BHLHE40: variants seen among roughly 807,000 people sequenced by gnomAD.
BHLHE40 encodes class E basic helix-loop-helix protein 40.
In BHLHE40, 3 loss-of-function variants were observed where a neutral mutation model predicts 35.7. The observed-to-expected ratio is 0.08, with a 90% confidence interval of 0.04 to 0.22. The LOEUF is 0.22. Among genes scored for constraint, BHLHE40 ranks in the 10% least tolerant of loss-of-function variants. The pLI, the probability that BHLHE40 is intolerant of heterozygous loss-of-function variation, is 1.00. For synonymous variants in BHLHE40, 236 were observed against 213.0 expected (o/e 1.11, Z -0.94); for missense variants, 486 against 524.0 (o/e 0.93, Z 0.71).
rs988161362 is a variant in BHLHE40 at position 4,984,438 on chromosome 3, TG to T, written c.*749del. On this transcript the variant is annotated 3_prime_UTR_variant, in exon 5 of 5. Coordinates refer to ENST00000256495, the MANE Select transcript of BHLHE40 (RefSeq NM_003670.3). ...GCCCCGGAGGGAGGGAGGAGTTCCC[TG>T]GGCTTCTGGCACCTGTTTCTAGGCC... The T allele has an allele frequency of 5.2e-5, 8 of 152,442 alleles. No individual in the cohort carries two copies. The highest frequency in any genetic ancestry group is 8.8e-5 in the Non-Finnish European group (6 of 68,172). 9.4% of individuals were successfully genotyped at this position (152,442 alleles called of 1,614,324 possible). A position where few individuals can be genotyped will look rare whatever the true frequency, so the allele number is the denominator to read the frequency against.
chr3:4,980,708 G>A (rs1158656580), intron 3 of BHLHE40, among the ~76,000 whole-genome samples: 2 of 152,038 alleles, frequency 1.3e-5, no homozygotes, highest in African/African-American at 4.8e-5. Context: ...AAAGGAACAC[G>A]CCAAGAAACA....
intron 3 of BHLHE40, among the ~76,000 whole-genome samples, 174 bp downstream of exon 3, chr3:4,980,582 T>C (rs1024291855): frequency 6.6e-5 from 10 of 152,290 alleles, no homozygotes; most frequent in African/African-American, 2.2e-4. Flanking sequence ...GGCTGACTCA[T>C]GCAAATGAGG....
intron 4 of BHLHE40, among the ~76,000 whole-genome samples, chr3:4,982,227 C>T (rs2053204238): frequency 6.6e-6 from 1 of 152,198 alleles, no homozygotes; most frequent in African/African-American, 2.4e-5. Context: ...GTGCTTCTGC[C>T]TGTTTCCTCA....
intron 2 of BHLHE40, 132 bp from the exon 3 acceptor site, chr3:4,980,169 G>A: frequency 8.8e-7 from 1 of 1,133,388 alleles, no homozygotes; most frequent in South Asian, 1.3e-5. Flanking sequence ...ACTTGGAAAA[G>A]AAAGGGCAGA....
Position 4,985,033 on chromosome 3 carries a change from ATTTTT to A in BHLHE40, c.*1347_*1351del, listed in dbSNP as rs898868614. 3 of 150,914 alleles carry A rather than the reference ATTTTT, an allele frequency of 2.0e-5. No homozygotes were observed. Among genetic ancestry groups the A allele is most frequent in the Non-Finnish European group, 4.4e-5 (3 of 67,528 alleles). 9.3% of individuals were successfully genotyped at this position (150,914 alleles called of 1,614,324 possible). On this transcript the variant is annotated 3_prime_UTR_variant, in exon 5 of 5. Transcript: ENST00000256495. ...ATTCCTGTTTTTGAAGAGAAGAATA[ATTTTT>A]TTTTTCTCTAGGGAGAGGTACAGTG...
At position 4,983,920 on chromosome 3, in the gene BHLHE40, T is replaced by G. The variant is rs576163457; in HGVS notation, c.*228T>G. 13 of 566,376 alleles carry G rather than the reference T, an allele frequency of 2.3e-5. No homozygotes were observed. The East Asian group carries it at 3.5e-4, about 15-fold the overall frequency. 35.1% of individuals were successfully genotyped at this position (566,376 alleles called of 1,614,324 possible). A position where few individuals can be genotyped will look rare whatever the true frequency, so the allele number is the denominator to read the frequency against. On this transcript the variant is annotated 3_prime_UTR_variant, in exon 5 of 5. Transcript: ENST00000256495. This position sits in a 1 kb window ranked among gnomAD's most constrained non-coding sequence, Gnocchi z 5.0. ...TAGGACTTTAAAGCTCCTTTTGGCA[T>G]AGGGAAGTCACGAAGGATTGCTTGA...
In BHLHE40 at chr3:4,979,729, TC is replaced by T; in HGVS notation, c.15del (p.Ser6AlafsTer38). MER[I>X]PSAQPPPACL... Reference sequence around the variant, plus strand: ...CCGGCTCGCCGCGCCATGGAGCGGATCCCCAGCGCGCAACCACCCCCCGCCT... The same window carrying T: ...CCGGCTCGCCGCGCCATGGAGCGGATCCCAGCGCGCAACCACCCCCCGCCT... On this transcript the variant is annotated frameshift_variant, in exon 1 of 5. Transcript: ENST00000256495. LOFTEE classifies it high-confidence loss of function. 6.4e-7 allele frequency: 1 copy of T among 1,564,118 alleles called. No homozygotes were observed. Among genetic ancestry groups the T allele is most frequent in the Non-Finnish European group, 8.7e-7 (1 of 1,154,670 alleles).
chr3:4,980,104 C>T (rs2053178232), intron 2 of BHLHE40, 73 bp downstream of exon 2: 2 of 1,533,554 alleles, frequency 1.3e-6, no homozygotes, highest in Non-Finnish European at 1.8e-6. Context: ...AAAGTTTTCT[C>T]GCTTTGAGGT....
At chr3:4,982,419 C>A (rs1205621816) in intron 4 of BHLHE40, among the ~76,000 whole-genome samples, 1 of 152,184 alleles carries the variant, frequency 6.6e-6, no homozygotes, top group South Asian at 2.1e-4. Flanking sequence ...TATAACTATC[C>A]AGCCTCTGCC....
At position 4,983,464 on chromosome 3, in the gene BHLHE40, C is replaced by G; in HGVS notation, c.1011C>G (p.Pro337=). ...CACCTTCAGCGACTGCCTACCTGCCCATGCTGGAGAAGTGCTGGTATCCCA... is the reference window on the plus strand; with the variant it reads ...CACCTTCAGCGACTGCCTACCTGCCGATGCTGGAGAAGTGCTGGTATCCCA... ...LIPPSATAYL[P]MLEKCWYPTS... is the part of the protein sequence containing the mutation. The change falls in exon 5 of 5, where the codon CCC becomes CCG. Residue 337 remains proline (P), a synonymous_variant. Coordinates refer to ENST00000256495, the MANE Select transcript of BHLHE40 (RefSeq NM_003670.3). The surrounding 1 kb of genome is among the most constrained non-coding windows in gnomAD (Gnocchi z 5.0). 1 of 1,614,192 alleles carries G rather than the reference C, an allele frequency of 6.2e-7. No individual in the cohort carries two copies. Among genetic ancestry groups the G allele is most frequent in the Non-Finnish European group, 8.5e-7 (1 of 1,180,040 alleles).
Position 4,983,859 on chromosome 3 carries a change from T to TGTGTGTATG in BHLHE40, c.*168_*169insTGTGTATGG. On this transcript the variant is annotated 3_prime_UTR_variant, in exon 5 of 5. Transcript: ENST00000256495. This position sits in a 1 kb window ranked among gnomAD's most constrained non-coding sequence, Gnocchi z 5.0. ...GTGTGTGTGTGTGTGTGTGTGTATGTGCGTGTGCGTGCACATGTGTGCCTG... is the reference window on the plus strand; with the variant it reads ...GTGTGTGTGTGTGTGTGTGTGTATGTGTGTGTATGGCGTGTGCGTGCACATGTGTGCCTG... The TGTGTGTATG allele has an allele frequency of 3.2e-6, 3 of 942,312 alleles. No homozygotes were observed. Among genetic ancestry groups the TGTGTGTATG allele is most frequent in the Non-Finnish European group, 4.7e-6 (3 of 644,384 alleles). The allele number at this position is 942,312 out of a possible 1,614,324, so 58.4% of individuals were successfully genotyped here.
intron 3 of BHLHE40, 71 bp downstream of exon 3, chr3:4,980,479 C>A: frequency 1.5e-6 from 2 of 1,341,780 alleles, no homozygotes; most frequent in Non-Finnish European, 1.1e-6. Flanking sequence ...TCGCCGCCTG[C>A]AGGTTCCGCG....
chr3:4,980,449 C>CCTCTGGG, intron 3 of BHLHE40, 41 bp downstream of exon 3: 1 of 1,569,518 alleles, frequency 6.4e-7, no homozygotes, highest in Non-Finnish European at 8.8e-7. Context: ...AGTCCTTTGC[C>CCTCTGGG]CAGAGGGCGG....
rs912902041 is a variant in BHLHE40 at position 4,980,286 on chromosome 3, C to A, written c.151-15C>A. Reference sequence around the variant, plus strand: ...CCTTCCCCAAGCGCCCACCGCCTCCCCGTGCGTCTTGCAGGAGACCTACAA... The same window carrying A: ...CCTTCCCCAAGCGCCCACCGCCTCCACGTGCGTCTTGCAGGAGACCTACAA... On this transcript the variant is annotated splice_polypyrimidine_tract_variant and intron_variant, in intron 2 of 4. Coordinates refer to ENST00000256495, the MANE Select transcript of BHLHE40 (RefSeq NM_003670.3). The A allele has an allele frequency of 6.2e-7, 1 of 1,612,014 alleles. No homozygotes were observed. Among genetic ancestry groups the A allele is most frequent in the Non-Finnish European group, 8.5e-7 (1 of 1,178,152 alleles).
rs1226148909 is a variant in BHLHE40, at chr3:4,981,482, A to G, written c.349A>G (p.Lys117Glu). Residue 117 changes from lysine to glutamate, a missense_variant, in exon 4 of 5, where the codon AAA (lysine) becomes GAA (glutamate). Around this residue, in one of 5 missense-constraint regions of BHLHE40, gnomAD observed 176 missense variants for 180.5 expected, o/e 0.98. Coordinates refer to ENST00000256495, the MANE Select transcript of BHLHE40 (RefSeq NM_003670.3). ...AAACCTAATTGATCAGCAGCAGCAG[A>G]AAATCATTGCCCTGCAGAGTGGTTT... is the stretch of plus-strand genomic sequence containing the variant. ...LTNLIDQQQQ[K>E]IIALQSGLQA... The G allele has an allele frequency of 6.2e-7, 1 of 1,614,008 alleles. No homozygotes were observed.
chr3:4,984,131 A>C lies in BHLHE40; in HGVS notation c.*439A>C, dbSNP rs533722850. On this transcript the variant is annotated 3_prime_UTR_variant, in exon 5 of 5. Transcript: ENST00000256495. ...AGGTACTTTCAAAAGAGGGCTTTCCAGGGCTCAGCTCCCAACCAGCTGTTA... is the reference window on the plus strand; with the variant it reads ...AGGTACTTTCAAAAGAGGGCTTTCCCGGGCTCAGCTCCCAACCAGCTGTTA... The C allele has an allele frequency of 6.3e-6, 1 of 158,418 alleles. No homozygotes were observed. The highest frequency in any genetic ancestry group is 2.4e-5 in the African/African-American group (1 of 41,616). 9.8% of individuals were successfully genotyped at this position (158,418 alleles called of 1,614,324 possible).
rs2053216547 is a variant in BHLHE40, at chr3:4,983,307, C to T, written c.854C>T (p.Pro285Leu). ...GCAATTAAGCAAGAGTCCGAAGAAC[C>T]CCCCACAAAAAAGAACCGGATGCAG... Reference protein sequence around the residue: ...IGAIKQESEEPPTKKNRMQLS... With the variant: ...IGAIKQESEELPTKKNRMQLS... Residue 285 changes from proline to leucine, a missense_variant, in exon 5 of 5, where the codon CCC becomes CTC. By Grantham distance (98) the Pro-to-Leu change is moderately conservative (BLOSUM62 -3). Coordinates refer to ENST00000256495, the MANE Select transcript of BHLHE40 (RefSeq NM_003670.3). This position sits in a 1 kb window ranked among gnomAD's most constrained non-coding sequence, Gnocchi z 5.0. 1.2e-6 allele frequency: 2 copies of T among 1,614,136 alleles called. No individual in the cohort carries two copies. The highest frequency in any genetic ancestry group is 4.5e-5 in the East Asian group (2 of 44,880).
rs555021606 is a variant in BHLHE40 at position 4,983,667 on chromosome 3, C to G, written c.1214C>G (p.Pro405Arg). Residue 405 changes from proline to arginine, a missense_variant, in exon 5 of 5, where the codon CCT becomes CGT. Pro to Arg is a moderately radical substitution (Grantham distance 103). Around this residue, in one of 5 missense-constraint regions of BHLHE40, gnomAD observed 206 missense variants for 208.9 expected, o/e 0.99. Transcript: ENST00000256495. The surrounding 1 kb of genome is among the most constrained non-coding windows in gnomAD (Gnocchi z 5.0). ...CTCCAAGCTCTGAAGCCAATCCCCC[C>G]TTTAAACTTAGAAACCAAAGACTAA... Reference protein sequence around the residue: ...VLLQALKPIPPLNLETKD With the variant: ...VLLQALKPIPRLNLETKD The G allele has an allele frequency of 5.0e-6, 8 of 1,610,262 alleles. No individual in the cohort carries two copies. In the Admixed American group the frequency reaches 1.3e-4, roughly 27 times the overall value.
Position 4,979,810 on chromosome 3 carries a change from C to T in BHLHE40, c.80+12C>T. 1 of 1,588,360 alleles carries T rather than the reference C, an allele frequency of 6.3e-7. No individual in the cohort carries two copies. Among genetic ancestry groups the T allele is most frequent in the Admixed American group, 1.8e-5 (1 of 56,040 alleles). On this transcript the variant is annotated intron_variant, in intron 1 of 4. Coordinates refer to ENST00000256495, the MANE Select transcript of BHLHE40 (RefSeq NM_003670.3). Reference sequence around the variant, plus strand: ...GGAGACCTACCAGGGTAAGTTGGCACTCCTTGGCCCTTCAAGCCTCAACTG... The same window carrying T: ...GGAGACCTACCAGGGTAAGTTGGCATTCCTTGGCCCTTCAAGCCTCAACTG...
Sources: allele counts gnomAD v4.1 joint callset (sites outside exome capture counted in the v4.1 genomes callset), GRCh38; gene constraint gnomAD v4.1.1; regional missense constraint gnomAD v4.1.1; non-coding constraint Gnocchi (gnomAD v3.1); transcripts MANE v1.5; gene names NCBI Gene and HGNC (gene_info 2026-07-23, HGNC 2026-07-21).